The following TMEM263 variants were observed in gnomAD, a reference collection of about 807,000 sequenced individuals.
TMEM263 encodes the protein transmembrane protein 263.
A neutral mutation model predicts 8.6 loss-of-function variants in TMEM263; 5 were observed. The observed-to-expected ratio is 0.58, with a 90% CI of 0.31 to 1.23. TMEM263 has a LOEUF of 1.23. Among genes scored for constraint, TMEM263 ranks in the 50% most tolerant of loss-of-function variants. The pLI is 0.07. For synonymous variants in TMEM263, 50 were observed against 47.9 expected (o/e 1.04, Z -0.18); for missense variants, 104 against 138.8 (o/e 0.75, Z 1.26).
At position 106,972,031 on chromosome 12, in the gene TMEM263, T is replaced by C. The variant is rs1951928992; in HGVS notation, c.*640T>C. 6.5e-6 allele frequency: 1 copy of C among 152,694 alleles called. No homozygotes were observed. The highest frequency in any genetic ancestry group is 1.5e-5 in the Non-Finnish European group (1 of 68,050). 9.5% of individuals were successfully genotyped at this position (152,694 alleles called of 1,614,324 possible). A position where few individuals can be genotyped will look rare whatever the true frequency, so the allele number is the denominator to read the frequency against. ...CTTTTCTAATACCCTGAATATGTGC[T>C]GTTCTTAGAATCATCTATGGATTCT... On this transcript the variant is annotated 3_prime_UTR_variant, in exon 4 of 4. Transcript: ENST00000280756.
intron 2 of TMEM263, among the ~76,000 whole-genome samples, chr12:106,960,197 G>T (rs1951751844): frequency 6.6e-6 from 1 of 152,048 alleles, no homozygotes; most frequent in South Asian, 2.1e-4. Context: ...ACCATGCCCG[G>T]CTAATTTTTG....
chr12:106,961,885 G>A (rs1303239008), intron 2 of TMEM263, among the ~76,000 whole-genome samples: 4 of 152,052 alleles, frequency 2.6e-5, no homozygotes, highest in African/African-American at 7.2e-5. Context: ...TTTTCTTAAA[G>A]CATCATGTGA....
At chr12:106,959,688 A>G (rs569063458) in intron 2 of TMEM263, among the ~76,000 whole-genome samples, 1 of 152,370 alleles carries the variant, frequency 6.6e-6, no homozygotes, top group South Asian at 2.1e-4. Flanking sequence ...AATAAGCAGG[A>G]TAGTAATATA....
rs1224829974 is a variant in TMEM263, at chr12:106,971,939, A to G, written c.*548A>G. 6.5e-6 allele frequency: 1 copy of G among 152,716 alleles called. No individual in the cohort carries two copies. The highest frequency in any genetic ancestry group is 1.9e-4 in the East Asian group (1 of 5,208). The allele number at this position is 152,716 out of a possible 1,614,324, so 9.5% of individuals were successfully genotyped here. A position where few individuals can be genotyped will look rare whatever the true frequency, so the allele number is the denominator to read the frequency against. ...AGATAAATGGTTTTATGATAATGTTAACCATCTTTTGTTAGTAAATATGCG... is the reference window on the plus strand; with the variant it reads ...AGATAAATGGTTTTATGATAATGTTGACCATCTTTTGTTAGTAAATATGCG... On this transcript the variant is annotated 3_prime_UTR_variant, in exon 4 of 4. Coordinates refer to ENST00000280756, the MANE Select transcript of TMEM263 (RefSeq NM_152261.4).
intron 3 of TMEM263, among the ~76,000 whole-genome samples, chr12:106,967,750 G>C (rs1044945845): frequency 6.6e-6 from 1 of 152,166 alleles, no homozygotes; most frequent in Non-Finnish European, 1.5e-5. Flanking sequence ...AGAAGTATAA[G>C]TATCCTTTCA....
Position 106,957,029 on chromosome 12 carries a change from T to A in TMEM263, c.-74-53T>A, listed in dbSNP as rs1951703807. The A allele has an allele frequency of 3.1e-6, 3 of 955,218 alleles. No individual in the cohort carries two copies. In the South Asian group the frequency reaches 1.5e-4, roughly 46 times the overall value. 59.2% of individuals were successfully genotyped at this position (955,218 alleles called of 1,614,324 possible). A position where few individuals can be genotyped will look rare whatever the true frequency, so the allele number is the denominator to read the frequency against. Reference sequence around the variant, plus strand: ...GCGTCCTTGTGAACACTGTGCTAATTCCAAATGAAAATATTTGCTATATGT... The same window carrying A: ...GCGTCCTTGTGAACACTGTGCTAATACCAAATGAAAATATTTGCTATATGT... On this transcript the variant is annotated intron_variant, in intron 1 of 3. Transcript: ENST00000280756.
At chr12:106,958,848 C>T (rs554647978) in intron 2 of TMEM263, among the ~76,000 whole-genome samples, 2 of 152,314 alleles carry the variant, frequency 1.3e-5, no homozygotes, top group South Asian at 4.2e-4. Context: ...AGGGCTCAAG[C>T]GATCCTCCTG....
chr12:106,957,663 G>T (rs1951718959), intron 2 of TMEM263, among the ~76,000 whole-genome samples: 1 of 152,188 alleles, frequency 6.6e-6, no homozygotes, highest in Non-Finnish European at 1.5e-5. Flanking sequence ...GAAATAATGT[G>T]AAGATGGTTT....
intron 2 of TMEM263, among the ~76,000 whole-genome samples, chr12:106,965,500 G>A (rs538598448): frequency 2.3e-4 from 33 of 143,688 alleles, no homozygotes; most frequent in Middle Eastern, 6.9e-3. Context: ...CCAGCTACTC[G>A]GGAGGCTGAA....
intron 2 of TMEM263, among the ~76,000 whole-genome samples, chr12:106,961,275 T>C (rs1951774983): frequency 7.4e-6 from 1 of 135,874 alleles, no homozygotes; most frequent in African/African-American, 2.7e-5. Context: ...AGACGGAGTC[T>C]CATTATGTTT....
At chr12:106,958,139 G>A (rs1206052584) in intron 2 of TMEM263, among the ~76,000 whole-genome samples, 1 of 152,166 alleles carries the variant, frequency 6.6e-6, no homozygotes, top group Non-Finnish European at 1.5e-5. Context: ...TAGGGAAATT[G>A]GCACCTACTG....
At chr12:106,958,363 T>G (rs1951728117) in intron 2 of TMEM263, among the ~76,000 whole-genome samples, 1 of 152,214 alleles carries the variant, frequency 6.6e-6, no homozygotes, top group Admixed American at 6.5e-5. Flanking sequence ...ACAAGATTGA[T>G]TCATCAAAGA....
At chr12:106,964,364 C>G (rs574296920) in intron 2 of TMEM263, among the ~76,000 whole-genome samples, 1 of 152,168 alleles carries the variant, frequency 6.6e-6, no homozygotes, top group Admixed American at 6.5e-5. Flanking sequence ...CAAACTCAGG[C>G]ACTCTGACCC....
In TMEM263 at chr12:106,972,931, T is replaced by C. The variant is rs1005989828; in HGVS notation, c.*1540T>C. The C allele has an allele frequency of 6.1e-5, 9 of 148,002 alleles. No homozygotes were observed. The highest frequency in any genetic ancestry group is 1.2e-4 in the Non-Finnish European group (8 of 67,374). The allele number at this position is 148,002 out of a possible 1,614,324, so 9.2% of individuals were successfully genotyped here. A position where few individuals can be genotyped will look rare whatever the true frequency, so the allele number is the denominator to read the frequency against. ...ATACCTTGCAGTAAGTAAGTCGAAA[T>C]AGCATGCCTGAAAATTTGAAACAGA... On this transcript the variant is annotated 3_prime_UTR_variant, in exon 4 of 4. Coordinates refer to ENST00000280756, the MANE Select transcript of TMEM263 (RefSeq NM_152261.4).
intron 2 of TMEM263, among the ~76,000 whole-genome samples, chr12:106,965,953 T>A (rs946403867): frequency 2.0e-5 from 3 of 152,128 alleles, no homozygotes; most frequent in African/African-American, 7.2e-5. Context: ...TTTTAAGGAC[T>A]TTCTCAGATA....
At chr12:106,964,692 A>G (rs1277130214) in intron 2 of TMEM263, among the ~76,000 whole-genome samples, 1 of 152,248 alleles carries the variant, frequency 6.6e-6, no homozygotes, top group Non-Finnish European at 1.5e-5. Flanking sequence ...CACTAGAGCA[A>G]TTGAAAGCTA....
At chr12:106,963,278 C>T (rs761474436) in intron 2 of TMEM263, among the ~76,000 whole-genome samples, 2 of 152,128 alleles carry the variant, frequency 1.3e-5, no homozygotes, top group Non-Finnish European at 2.9e-5. Context: ...CAGAGTATGA[C>T]ACGACTGGAC....
intron 2 of TMEM263, among the ~76,000 whole-genome samples, chr12:106,964,726 G>A (rs1593466639): frequency 6.6e-6 from 1 of 152,188 alleles, no homozygotes; most frequent in Admixed American, 6.5e-5. Context: ...TGTGCTGCTG[G>A]ACTCAGTAGG....
chr12:106,965,868 G>C (rs1593467802), intron 2 of TMEM263, among the ~76,000 whole-genome samples: 1 of 152,160 alleles, frequency 6.6e-6, no homozygotes, highest in East Asian at 1.9e-4. Context: ...TTTAAGAACA[G>C]CAAAAAGTCA....
Sources: allele counts gnomAD v4.1 joint callset (sites outside exome capture counted in the v4.1 genomes callset), GRCh38; gene constraint gnomAD v4.1.1; transcripts MANE v1.5; gene names NCBI Gene and HGNC (gene_info 2026-07-23, HGNC 2026-07-21).